LRRC36: variants seen among roughly 807,000 people sequenced by gnomAD.
The protein encoded by LRRC36 is leucine-rich repeat-containing protein 36.
In LRRC36, 62 loss-of-function variants were observed where a neutral mutation model predicts 81.1. The observed-to-expected ratio is 0.76, with a 90% confidence interval of 0.62 to 0.94. The LOEUF is 0.94. Ranked by LOEUF, LRRC36 falls within the 40% of genes least tolerant of loss-of-function variation. The pLI is 0.00. For missense variants in LRRC36, 761 were observed against 881.7 expected (o/e 0.86, Z 1.73); for synonymous variants, 334 against 348.6 (o/e 0.96, Z 0.47).
chr16:67,346,061 A>G (rs574303035), intron 2 of LRRC36, among the ~76,000 whole-genome samples, 195 bp from the exon 3 acceptor site: 5 of 152,352 alleles, frequency 3.3e-5, no homozygotes, highest in South Asian at 2.1e-4. Context: ...TATTTAACGT[A>G]TGGAACACCC....
Position 67,331,190 on chromosome 16 carries a change from G to A in LRRC36, c.70+4258G>A, listed in dbSNP as rs114019269. On this transcript the variant is annotated intron_variant, in intron 1 of 13. Transcript: ENST00000329956. Reference sequence around the variant, plus strand: ...TCCATGATAACAGCATGAAGCCACCGTTGACCTAATCACCTCTTAGAGGCC... The same window carrying A: ...TCCATGATAACAGCATGAAGCCACCATTGACCTAATCACCTCTTAGAGGCC... 4.0e-5 allele frequency among the ~76,000 whole-genome samples: 6 copies of A among 151,804 alleles called. No homozygotes were observed. The South Asian group carries it at 8.3e-4, about 21-fold the overall frequency.
chr16:67,358,964 T>C (rs1306182381), intron 5 of LRRC36, among the ~76,000 whole-genome samples: 1 of 152,138 alleles, frequency 6.6e-6, no homozygotes, highest in Non-Finnish European at 1.5e-5. Context: ...TATCCAGTGA[T>C]GAAGTAACAT....
Position 67,376,765 on chromosome 16 carries a change from G to C in LRRC36, c.1699G>C (p.Ala567Pro), listed in dbSNP as rs752327330. The C allele has an allele frequency of 6.2e-7, 1 of 1,613,648 alleles. No homozygotes were observed. The highest frequency in any genetic ancestry group is 8.5e-7 in the Non-Finnish European group (1 of 1,179,638). The change falls in exon 11 of 14, where the codon GCT becomes CCT. Residue 567 changes from alanine (A) to proline (P), a missense_variant. Ala to Pro is a conservative substitution (Grantham distance 27). Around this residue, in one of 3 missense-constraint regions of LRRC36, gnomAD observed 359 missense variants for 388.4 expected, o/e 0.92. Coordinates refer to ENST00000329956, the MANE Select transcript of LRRC36 (RefSeq NM_018296.6). The part of the protein sequence containing the change: ...RDLLLSLVVP[A>P]PSQPRCCSHP... ...TTTGCTTCTGTCTTTGGTAGTCCCG[G>C]CTCCTTCTCAGCCGAGGTGTTGCTC...
intron 6 of LRRC36, among the ~76,000 whole-genome samples, chr16:67,364,057 C>T (rs1404106099): frequency 6.6e-6 from 1 of 152,210 alleles, no homozygotes; most frequent in African/African-American, 2.4e-5. Context: ...ATCTCCATCT[C>T]CTGTTGCCTT....
At chr16:67,335,734 CTTT>C (rs912010681) in intron 1 of LRRC36, among the ~76,000 whole-genome samples, 1 of 141,470 alleles carries the variant, frequency 7.1e-6, no homozygotes. Context: ...AACCACTGAT[CTTT>C]TTTTTTTTTT....
rs1172853442 is a variant in LRRC36 at position 67,326,884 on chromosome 16, G to A, written c.22G>A (p.Asp8Asn). The change falls in exon 1 of 14, where the codon GAC (aspartate) becomes AAC (asparagine). Residue 8 changes from aspartate (D) to asparagine (N), a missense_variant. Asp to Asn is a conservative substitution (Grantham distance 23). Transcript: ENST00000329956. The stretch of plus-strand genomic sequence containing the variant: ...GGGGATGGCGGAGCAATGGGAGCTG[G>A]ACGAGGAAGGCATTCGCCGCCTGGG... MAEQWEL[D>N]EEGIRRLGAL... 4 of 1,462,322 alleles carry A rather than the reference G, an allele frequency of 2.7e-6. No individual in the cohort carries two copies. Among genetic ancestry groups the A allele is most frequent in the Non-Finnish European group, 2.7e-6 (3 of 1,118,556 alleles). 90.6% of individuals were successfully genotyped at this position (1,462,322 alleles called of 1,614,324 possible). A position where few individuals can be genotyped will look rare whatever the true frequency, so the allele number is the denominator to read the frequency against.
At chr16:67,370,831 T>C (rs1312323580) in intron 8 of LRRC36, 113 bp from the exon 9 acceptor site, 1 of 786,454 alleles carries the variant, frequency 1.3e-6, no homozygotes, top group Admixed American at 2.3e-5. Flanking sequence ...GAGTTGAGGA[T>C]GTATGCTAGG....
intron 7 of LRRC36, among the ~76,000 whole-genome samples, chr16:67,366,579 A>G (rs1467656688): frequency 6.6e-6 from 1 of 151,990 alleles, no homozygotes; most frequent in Admixed American, 6.6e-5. Flanking sequence ...GTGAAACCCC[A>G]TCTCTACTAA....
chr16:67,353,133 T>G (rs2038735542), intron 5 of LRRC36, among the ~76,000 whole-genome samples: 1 of 152,120 alleles, frequency 6.6e-6, no homozygotes, highest in Non-Finnish European at 1.5e-5. Context: ...TCACCACTGT[T>G]TAACAGCCTC....
chr16:67,384,654 T>C (rs1469855279), intron 13 of LRRC36, among the ~76,000 whole-genome samples: 1 of 152,222 alleles, frequency 6.6e-6, no homozygotes, highest in Non-Finnish European at 1.5e-5. Flanking sequence ...ATGGGAAATG[T>C]ATTATTGCTT....
At chr16:67,342,113 G>T (rs757825536) in intron 2 of LRRC36, 29 bp downstream of exon 2, 3 of 1,481,794 alleles carry the variant, frequency 2.0e-6, no homozygotes, top group East Asian at 2.4e-5. Context: ...GACCAGCCAG[G>T]TCTGCCCAAT....
chr16:67,334,387 C>T (rs900352447), intron 1 of LRRC36, among the ~76,000 whole-genome samples: 11 of 150,796 alleles, frequency 7.3e-5, no homozygotes, highest in East Asian at 5.9e-4. Context: ...TGCAGTGGCA[C>T]GATCTCGGCT....
At chr16:67,375,523 A>G (rs1489701819) in intron 10 of LRRC36, 111 bp downstream of exon 10, 5 of 840,528 alleles carry the variant, frequency 5.9e-6, no homozygotes, top group Non-Finnish European at 8.8e-6. Flanking sequence ...TGTTCTCATG[A>G]TCACATCCTG....
intron 5 of LRRC36, among the ~76,000 whole-genome samples, chr16:67,357,643 A>G (rs991910939): frequency 6.6e-6 from 1 of 152,198 alleles, no homozygotes; most frequent in African/African-American, 2.4e-5. Context: ...CGGGGAGTGA[A>G]CTGTCCTTGG....
Position 67,354,795 on chromosome 16 carries a change from C to T in LRRC36, c.577+4505C>T, listed in dbSNP as rs541735065. 3.9e-5 allele frequency among the ~76,000 whole-genome samples: 6 copies of T among 152,228 alleles called. No individual in the cohort carries two copies. The South Asian group carries it at 1.2e-3, about 32-fold the overall frequency. ...AAAGTTCACAGTTTACATTAGGTTT[C>T]GTTCTTGGTGTTGTACATTCTATGG... is the stretch of plus-strand genomic sequence containing the variant. On this transcript the variant is annotated intron_variant, in intron 5 of 13. Transcript: ENST00000329956.
rs768224564 is a variant in LRRC36, at chr16:67,347,586, A to G, written c.483A>G (p.Glu161=). 1.2e-5 allele frequency: 19 copies of G among 1,609,952 alleles called. No homozygotes were observed. Among genetic ancestry groups the G allele is most frequent in the African/African-American group, 2.7e-5 (2 of 74,800 alleles). ...GNSENFLLEV[E]KSSREKTMKN... is the part of the protein sequence containing the mutation. ...GTGAAAATTTTCTTTTAGAGGTGGA[A>G]AAAAGGTAAGAAGATTCTTTACAAA... Residue 161 remains glutamate (E), a synonymous_variant, in exon 4 of 14, where the codon GAA becomes GAG. Transcript: ENST00000329956.
intron 2 of LRRC36, among the ~76,000 whole-genome samples, chr16:67,342,594 A>G (rs76536905): frequency 0.028 from 4,211 of 152,282 alleles, 61 homozygotes; most frequent in South Asian, 0.031. Flanking sequence ...AGCAGAGGGC[A>G]GTATAGGAAG....
chr16:67,348,838 T>C (rs1287183800), intron 4 of LRRC36, among the ~76,000 whole-genome samples: 4 of 152,210 alleles, frequency 2.6e-5, no homozygotes. Context: ...AAATAATGTA[T>C]TGAATGATGA....
Position 67,378,235 on chromosome 16 carries a change from C to CTTTT in LRRC36, c.1807-335_1807-332dup, listed in dbSNP as rs1015471341. The stretch of plus-strand genomic sequence containing the variant: ...TAAACACACCTTAGCATGTCAGATT[C>CTTTT]TTTTTTTTTTTTTTTTTTTTTTGAG... On this transcript the variant is annotated intron_variant, in intron 11 of 13. Transcript: ENST00000329956. Among the ~76,000 whole-genome samples, 129 of 100,472 alleles carry CTTTT rather than the reference C, an allele frequency of 1.3e-3. 3 individuals carry two copies. Among genetic ancestry groups the CTTTT allele is most frequent in the African/African-American group, 2.3e-3 (48 of 21,080 alleles). 65.9% of individuals were successfully genotyped at this position (100,472 alleles called of 152,430 possible). A position where few individuals can be genotyped will look rare whatever the true frequency, so the allele number is the denominator to read the frequency against.
Sources: gnomAD v4.1 joint callset for allele counts (sites outside exome capture counted in the v4.1 genomes callset) on GRCh38, gnomAD v4.1.1 for gene constraint, gnomAD v4.1.1 regional missense constraint, MANE v1.5 for transcripts, NCBI Gene and HGNC (gene_info 2026-07-23, HGNC 2026-07-21) for gene names.